The following MBOAT2 variants were observed in gnomAD, a reference collection of about 807,000 sequenced individuals.
The protein encoded by MBOAT2 is membrane-bound glycerophospholipid O-acyltransferase 2.
MBOAT2 carries 28 observed loss-of-function variants against 63.4 expected under a neutral mutation model. The ratio of observed to expected loss-of-function variants is 0.44; its 90% CI spans 0.33 to 0.61. The LOEUF is 0.61. Among genes scored for constraint, MBOAT2 ranks in the 20% least tolerant of loss-of-function variants. The pLI is 0.03. For missense variants in MBOAT2, 470 were observed against 605.8 expected, an observed-to-expected ratio of 0.78 and a Z score of 2.35; for synonymous variants, 211 against 215.6, an observed-to-expected ratio of 0.98 and a Z score of 0.19.
At chr2:8,946,588 T>C (rs1668428159) in intron 2 of MBOAT2, among the ~76,000 whole-genome samples, 1 of 152,194 alleles carries the variant, frequency 6.6e-6, no homozygotes, top group Non-Finnish European at 1.5e-5. Flanking sequence ...ATTTTTCCAA[T>C]AGCACGTGCT....
At chr2:8,922,152 T>C (rs1666616078) in intron 3 of MBOAT2, among the ~76,000 whole-genome samples, 1 of 152,210 alleles carries the variant, frequency 6.6e-6, no homozygotes, top group Non-Finnish European at 1.5e-5. Context: ...CAAATCACTG[T>C]GTAGCACTTA....
intron 4 of MBOAT2, among the ~76,000 whole-genome samples, chr2:8,901,194 G>A (rs182895826): frequency 7.8e-4 from 118 of 151,104 alleles, no homozygotes; most frequent in African/African-American, 2.6e-3. Flanking sequence ...TGCGCTCACC[G>A]ATGCAGCAGC....
At chr2:8,888,105 AAAG>A in intron 4 of MBOAT2, 32 bp from the exon 5 acceptor site, 1 of 1,585,746 alleles carries the variant, frequency 6.3e-7, no homozygotes, top group Non-Finnish European at 8.6e-7. Flanking sequence ...TAGTGTTTTA[AAAG>A]AAGAAAGTTA....
intron 3 of MBOAT2, among the ~76,000 whole-genome samples, chr2:8,921,038 T>A (rs990061061): frequency 1.3e-5 from 2 of 152,228 alleles, no homozygotes; most frequent in African/African-American, 4.8e-5. Context: ...AGATTTTTTT[T>A]AATCCAGTCT....
chr2:8,885,585 C>T (rs1663491635), intron 5 of MBOAT2, among the ~76,000 whole-genome samples: 1 of 152,176 alleles, frequency 6.6e-6, no homozygotes, highest in Non-Finnish European at 1.5e-5. Context: ...ACCAGCTACA[C>T]TATCCCTAAA....
chr2:8,975,723 A>C (rs1422943899), intron 1 of MBOAT2, among the ~76,000 whole-genome samples: 3 of 151,080 alleles, frequency 2.0e-5, no homozygotes, highest in Non-Finnish European at 4.4e-5. Flanking sequence ...CAATGGATGA[A>C]CACCACAGCC....
intron 3 of MBOAT2, among the ~76,000 whole-genome samples, chr2:8,913,766 T>C (rs1665952855): frequency 6.6e-6 from 1 of 152,128 alleles, no homozygotes; most frequent in Non-Finnish European, 1.5e-5. Flanking sequence ...AGTGTGGAGA[T>C]TCCTTAAAGA....
In MBOAT2 at chr2:8,857,930, AAAG is replaced by A; in HGVS notation, c.*746_*748del. 6.5e-6 allele frequency: 1 copy of A among 152,720 alleles called. No individual in the cohort carries two copies. The highest frequency in any genetic ancestry group is 2.1e-4 in the South Asian group (1 of 4,832). The allele number at this position is 152,720 out of a possible 1,614,324, so 9.5% of individuals were successfully genotyped here. ...CTTCGTCACCTCTCTCTTTTAAGAA[AAAG>A]AATAAGCTTAAAATATCACATTACC... On this transcript the variant is annotated 3_prime_UTR_variant, in exon 13 of 13. Coordinates refer to ENST00000305997, the MANE Select transcript of MBOAT2 (RefSeq NM_138799.4).
At chr2:8,983,943 G>A (rs1295290849) in intron 1 of MBOAT2, among the ~76,000 whole-genome samples, 1 of 152,114 alleles carries the variant, frequency 6.6e-6, no homozygotes. Context: ...TCAGCATACA[G>A]AAGACTTTCC....
Position 8,877,124 on chromosome 2 carries a change from A to G in MBOAT2, c.596T>C (p.Ile199Thr). The G allele has an allele frequency of 6.2e-7, 1 of 1,614,178 alleles. No individual in the cohort carries two copies. The highest frequency in any genetic ancestry group is 8.5e-7 in the Non-Finnish European group (1 of 1,180,026). The change falls in exon 7 of 13, where the codon ATT becomes ACT. Residue 199 changes from isoleucine (I) to threonine (T), a missense_variant. Ile to Thr is a moderately conservative substitution (Grantham distance 89, BLOSUM62 -1). Transcript: ENST00000305997. ...GTATGATCTGCCTTCAATGAAAGTA[A>G]TGTAGTCTTTGTAAGAGCAAAGTGG... ...AGPLCSYKDYITFIEGRSYHI... is the reference protein window; with the variant it reads ...AGPLCSYKDYTTFIEGRSYHI...
At chr2:8,941,777 AG>A (rs1668069973) in intron 3 of MBOAT2, among the ~76,000 whole-genome samples, 1 of 152,226 alleles carries the variant, frequency 6.6e-6, no homozygotes, top group East Asian at 1.9e-4. Context: ...ACAGGTCTAA[AG>A]TATTACAAAG....
At chr2:8,924,840 T>C (rs1666830868) in intron 3 of MBOAT2, among the ~76,000 whole-genome samples, 1 of 152,182 alleles carries the variant, frequency 6.6e-6, no homozygotes, top group South Asian at 2.1e-4. Context: ...GGTTTTTGGC[T>C]ATTGGTATTA....
intron 1 of MBOAT2, among the ~76,000 whole-genome samples, chr2:8,967,792 A>G (rs1032164649): frequency 3.9e-5 from 6 of 152,206 alleles, no homozygotes; most frequent in Non-Finnish European, 8.8e-5. Flanking sequence ...TATTTTGAGT[A>G]TAACACAAAC....
At chr2:8,936,500 A>G (rs1001881743) in intron 3 of MBOAT2, among the ~76,000 whole-genome samples, 5 of 152,186 alleles carry the variant, frequency 3.3e-5, no homozygotes, top group African/African-American at 4.8e-5. Context: ...TCTTTAGGTC[A>G]TTTATCTTGT....
chr2:8,864,226 T>A lies in MBOAT2; in HGVS notation c.996A>T (p.Thr332=). Reference sequence around the variant, plus strand: ...AATTATCAAGAAACATCTTGAAACTTGTTGACATCTGAAAAAAAAGGAAAC... The same window carrying A: ...AATTATCAAGAAACATCTTGAAACTAGTTGACATCTGAAAAAAAAGGAAAC... ...NLRIQQIEMS[T]SFKMFLDNWN... Residue 332 remains threonine, a synonymous_variant, in exon 10 of 13, where the codon ACA becomes ACT. Coordinates refer to ENST00000305997, the MANE Select transcript of MBOAT2 (RefSeq NM_138799.4). 6.4e-7 allele frequency: 1 copy of A among 1,567,956 alleles called. No homozygotes were observed. The highest frequency in any genetic ancestry group is 2.3e-5 in the East Asian group (1 of 43,126).
chr2:8,976,509 A>G (rs1396923493), intron 1 of MBOAT2, among the ~76,000 whole-genome samples: 2 of 152,148 alleles, frequency 1.3e-5, no homozygotes, highest in Non-Finnish European at 2.9e-5. Flanking sequence ...AACAACATAC[A>G]CACATCCCAA....
In MBOAT2 at chr2:8,864,215, A is replaced by T. The variant is rs187474422; in HGVS notation, c.1007T>A (p.Met336Lys). The change falls in exon 10 of 13, where the codon ATG becomes AAG. Residue 336 changes from methionine to lysine, a missense_variant. By Grantham distance (95) the Met-to-Lys change is moderately conservative. Transcript: ENST00000305997. ...QQIEMSTSFK[M>K]FLDNWNIQTA... ...CTGAATATTCCAATTATCAAGAAACATCTTGAAACTTGTTGACATCTGAAA... is the reference window on the plus strand; with the variant it reads ...CTGAATATTCCAATTATCAAGAAACTTCTTGAAACTTGTTGACATCTGAAA... 63 of 1,578,468 alleles carry T rather than the reference A, an allele frequency of 4.0e-5. No individual in the cohort carries two copies. In the African/African-American group the frequency reaches 8.2e-4, roughly 21 times the overall value.
chr2:8,958,435 C>T, intron 2 of MBOAT2, 62 bp downstream of exon 2: 2 of 1,429,088 alleles, frequency 1.4e-6, no homozygotes, highest in East Asian at 2.4e-5. Flanking sequence ...TCTTTCCACA[C>T]ACTCAATTCT....
intron 3 of MBOAT2, among the ~76,000 whole-genome samples, chr2:8,933,062 A>AT (rs1667435506): frequency 6.6e-6 from 1 of 152,082 alleles, no homozygotes; most frequent in Non-Finnish European, 1.5e-5. Flanking sequence ...TTTTATATAA[A>AT]TGGCATGGTA....
Sources: allele counts gnomAD v4.1 joint callset (sites outside exome capture counted in the v4.1 genomes callset), GRCh38; gene constraint gnomAD v4.1.1; transcripts MANE v1.5; gene names NCBI Gene and HGNC (gene_info 2026-07-23, HGNC 2026-07-21).